TRIM43: variants seen among roughly 807,000 people sequenced by gnomAD.
TRIM43 encodes tripartite motif containing 43.
Under a neutral mutation model 27.7 loss-of-function variants are expected in TRIM43, and 12 were observed. The ratio of observed to expected loss-of-function variants is 0.43; its 90% CI spans 0.28 to 0.70. The LOEUF is 0.70. TRIM43 is among the 30% of genes least tolerant of loss of function. TRIM43 has a pLI of 0.17. For missense variants in TRIM43, 186 were observed against 356.5 expected (o/e 0.52, Z 3.85); for synonymous variants, 64 against 121.9 (o/e 0.52, Z 3.13).
Position 95,593,684 on chromosome 2 carries a change from C to A in TRIM43, c.-4-336C>A, listed in dbSNP as rs564584320. 2.0e-5 allele frequency among the ~76,000 whole-genome samples: 3 copies of A among 151,970 alleles called. No individual in the cohort carries two copies. The East Asian group carries it at 5.8e-4, about 29-fold the overall frequency. Reference sequence around the variant, plus strand: ...GAGTGTTACTGATTTTCAGACCATTCAAGACTCAAACCTTGAGTTTACAGG... The same window carrying A: ...GAGTGTTACTGATTTTCAGACCATTAAAGACTCAAACCTTGAGTTTACAGG... On this transcript the variant is annotated intron_variant, in intron 1 of 6. Transcript: ENST00000272395.
chr2:95,594,777 C>T (rs1419026497), intron 2 of TRIM43, among the ~76,000 whole-genome samples: 11 of 151,080 alleles, frequency 7.3e-5, no homozygotes, highest in African/African-American at 2.7e-4. Flanking sequence ...ACTACAAAAT[C>T]AGGGGCTAGC....
intron 1 of TRIM43, among the ~76,000 whole-genome samples, chr2:95,593,061 T>G (rs1685285476): frequency 6.6e-6 from 1 of 151,592 alleles, no homozygotes; most frequent in African/African-American, 2.4e-5. Context: ...CACTCCCGGC[T>G]AATTTTTTGT....
chr2:95,594,699 C>T (rs919568030), intron 2 of TRIM43, among the ~76,000 whole-genome samples: 1 of 150,370 alleles, frequency 6.7e-6, no homozygotes, highest in Non-Finnish European at 1.5e-5. Context: ...ACCAAAACTA[C>T]CAGTGCAAAG....
intron 2 of TRIM43, 41 bp from the exon 3 acceptor site, chr2:95,595,009 C>T (rs4058019): frequency 6.9e-5 from 110 of 1,589,860 alleles, no homozygotes; most frequent in Non-Finnish European, 9.2e-5. Flanking sequence ...GAATCTTTGG[C>T]ATTTGACTTT....
At chr2:95,595,766 G>A (rs1392836690) in intron 3 of TRIM43, among the ~76,000 whole-genome samples, 2 of 151,538 alleles carry the variant, frequency 1.3e-5, no homozygotes, top group Non-Finnish European at 2.9e-5. Context: ...AAAAGAGGTA[G>A]TCAGTTTGAG....
At chr2:95,593,018 T>C (rs1162960502) in intron 1 of TRIM43, among the ~76,000 whole-genome samples, 1 of 151,524 alleles carries the variant, frequency 6.6e-6, no homozygotes, top group Non-Finnish European at 1.5e-5. Context: ...AGCCTCCGCC[T>C]CCAGAGTAGC....
chr2:95,594,903 T>G (rs1162185142), intron 2 of TRIM43, 147 bp from the exon 3 acceptor site: 2 of 676,802 alleles, frequency 3.0e-6, no homozygotes, highest in African/African-American at 3.7e-5. Flanking sequence ...CTGAAAAATA[T>G]CAATTAAGGA....
chr2:95,592,713 A>G, intron 1 of TRIM43, among the ~76,000 whole-genome samples: 1 of 150,806 alleles, frequency 6.6e-6, no homozygotes, highest in Admixed American at 6.6e-5. Flanking sequence ...AGACAGGATG[A>G]TCTAGACACT....
intron 1 of TRIM43, among the ~76,000 whole-genome samples, chr2:95,592,585 A>T (rs550517182): frequency 6.6e-6 from 1 of 151,372 alleles, no homozygotes; most frequent in African/African-American, 2.4e-5. Context: ...GTTGGCCAGG[A>T]TGGTCTCCAT....
Position 95,594,412 on chromosome 2 carries a change from A to G in TRIM43, c.389A>G (p.Glu130Gly). 1 of 1,611,016 alleles carries G rather than the reference A, an allele frequency of 6.2e-7. No homozygotes were observed. The highest frequency in any genetic ancestry group is 1.1e-5 in the South Asian group (1 of 90,936). Reference sequence around the variant, plus strand: ...GGGGCTCACAAACACCATCCCATCGAAGAGGCAGCTGAGGAACACCGGGTA... The same window carrying G: ...GGGGCTCACAAACACCATCCCATCGGAGAGGCAGCTGAGGAACACCGGGTA... ...EHGAHKHHPI[E>G]EAAEEHREKL... The change falls in exon 2 of 7, where the codon GAA becomes GGA. Residue 130 changes from glutamate (E) to glycine (G), a missense_variant. By Grantham distance (98) the Glu-to-Gly change is moderately conservative (BLOSUM62 -2). Coordinates refer to ENST00000272395, the MANE Select transcript of TRIM43 (RefSeq NM_138800.3).
intron 1 of TRIM43, 132 bp from the exon 2 acceptor site, chr2:95,593,888 G>T: frequency 6.7e-7 from 1 of 1,499,826 alleles, no homozygotes; most frequent in Admixed American, 2.4e-5. Flanking sequence ...TCCTATTTCT[G>T]TCATTGCAGA....
chr2:95,592,839 G>T (rs1387729188), intron 1 of TRIM43, among the ~76,000 whole-genome samples: 1 of 150,730 alleles, frequency 6.6e-6, no homozygotes, highest in Non-Finnish European at 1.5e-5. Flanking sequence ...ATTTTTATTT[G>T]TATTTTAGCA....
intron 3 of TRIM43, among the ~76,000 whole-genome samples, chr2:95,595,924 G>T (rs1468452535): frequency 1.3e-5 from 2 of 151,470 alleles, no homozygotes; most frequent in Admixed American, 6.6e-5. Flanking sequence ...GAATAACAAA[G>T]ATTATGTGTA....
In TRIM43 at chr2:95,596,277, AAAC is replaced by A. The variant is rs1246743874; in HGVS notation, c.588_590del (p.Gln196del). The A allele has an allele frequency of 6.2e-7, 1 of 1,609,544 alleles. No homozygotes were observed. The highest frequency in any genetic ancestry group is 1.3e-5 in the African/African-American group (1 of 74,276). On this transcript the variant is annotated inframe_deletion, in exon 4 of 7. Coordinates refer to ENST00000272395, the MANE Select transcript of TRIM43 (RefSeq NM_138800.3). ...GCATCCGGTTCTCCATAAGGAAGAAAAACAACATTTAGAGAGACTGAACAAGGA... is the reference window on the plus strand; with the variant it reads ...GCATCCGGTTCTCCATAAGGAAGAAAAACATTTAGAGAGACTGAACAAGGA...
At chr2:95,595,901 C>A (rs1195396363) in intron 3 of TRIM43, among the ~76,000 whole-genome samples, 2 of 151,390 alleles carry the variant, frequency 1.3e-5, no homozygotes, top group African/African-American at 4.9e-5. Flanking sequence ...AGATTTGAAA[C>A]AACAACCTAA....
chr2:95,599,718 GC>G lies in TRIM43; in HGVS notation c.*146del. 1 of 1,436,268 alleles carries G rather than the reference GC, an allele frequency of 7.0e-7. No individual in the cohort carries two copies. The highest frequency in any genetic ancestry group is 2.9e-5 in the Admixed American group (1 of 35,064). 89.0% of individuals were successfully genotyped at this position (1,436,268 alleles called of 1,614,324 possible). A position where few individuals can be genotyped will look rare whatever the true frequency, so the allele number is the denominator to read the frequency against. ...CTATTAAATAAAAAATTTGTAAAAG[GC>G]AAAACTTTTTGTACATTTTCTTACA... On this transcript the variant is annotated 3_prime_UTR_variant, in exon 7 of 7. Coordinates refer to ENST00000272395, the MANE Select transcript of TRIM43 (RefSeq NM_138800.3).
chr2:95,595,443 A>G lies in TRIM43; in HGVS notation c.507+298A>G, dbSNP rs573123390. ...TGAAATGTTGATTAAATAGTATATA[A>G]TTGAGAAATAAAGGCATTTATTGGT... On this transcript the variant is annotated intron_variant, in intron 3 of 6. Coordinates refer to ENST00000272395, the MANE Select transcript of TRIM43 (RefSeq NM_138800.3). 7.2e-4 allele frequency among the ~76,000 whole-genome samples: 109 copies of G among 151,718 alleles called. 4 individuals carry two copies. The highest frequency in any genetic ancestry group is 6.3e-3 in the Admixed American group (96 of 15,266).
At chr2:95,592,511 G>A (rs1685268730) in intron 1 of TRIM43, among the ~76,000 whole-genome samples, 3 of 151,434 alleles carry the variant, frequency 2.0e-5, no homozygotes, top group Admixed American at 2.0e-4. Flanking sequence ...TGGAAATATA[G>A]CCGCCTGCCA....
rs1685307834 is a variant in TRIM43, at chr2:95,594,063, A to G, written c.40A>G (p.Thr14Ala). ...CTCACATGCCTTCCAGAAGGAACTC[A>G]CCTGCGTCATCTGTTTGAACTACCT... Reference protein sequence around the residue: ...DFSHAFQKELTCVICLNYLVD... With the variant: ...DFSHAFQKELACVICLNYLVD... The change falls in exon 2 of 7, where the codon ACC becomes GCC. Residue 14 changes from threonine to alanine, a missense_variant. By Grantham distance (58) the Thr-to-Ala change is moderately conservative. Transcript: ENST00000272395. The G allele has an allele frequency of 1.2e-6, 2 of 1,613,082 alleles. No individual in the cohort carries two copies. Among genetic ancestry groups the G allele is most frequent in the Non-Finnish European group, 1.7e-6 (2 of 1,179,678 alleles).
Sources: gnomAD v4.1 joint callset for allele counts (sites outside exome capture counted in the v4.1 genomes callset) on GRCh38, gnomAD v4.1.1 for gene constraint, MANE v1.5 for transcripts, NCBI Gene and HGNC (gene_info 2026-07-23, HGNC 2026-07-21) for gene names.